WHRN: variants seen among roughly 807,000 people sequenced by gnomAD.
WHRN encodes CASK-interacting protein CIP98.
WHRN carries 41 observed loss-of-function variants against 68.3 expected under a neutral mutation model. The observed-to-expected ratio is 0.60, with a 90% CI of 0.47 to 0.78. WHRN has a LOEUF of 0.78. Ranked by LOEUF, WHRN falls within the 30% of genes least tolerant of loss-of-function variation. The probability of loss-of-function intolerance (pLI) is 0.00; values close to 1 mark genes in which losing one functional copy is unlikely to be tolerated. For synonymous variants in WHRN, 560 were observed against 561.3 expected (o/e 1.00, Z 0.03); for missense variants, 1,243 against 1,244.7 (o/e 1.00, Z 0.02).
intron 7 of WHRN, among the ~76,000 whole-genome samples, chr9:114,416,043 G>A (rs1835792941): frequency 6.6e-6 from 1 of 152,180 alleles, no homozygotes. Context: ...ATGCAGAGAA[G>A]CACTGACAGC....
At chr9:114,437,953 T>C (rs578008319) in intron 3 of WHRN, among the ~76,000 whole-genome samples, 55 of 152,244 alleles carry the variant, frequency 3.6e-4, no homozygotes, top group South Asian at 2.1e-3. Flanking sequence ...ATAAAAGACA[T>C]GAACAAGTTA....
intron 3 of WHRN, among the ~76,000 whole-genome samples, chr9:114,440,322 T>C (rs1838259476): frequency 6.6e-6 from 1 of 152,200 alleles, no homozygotes. Flanking sequence ...CTGCAACCTC[T>C]GCCTCCTGGT....
chr9:114,499,785 C>CG (rs1269505310), intron 1 of WHRN, among the ~76,000 whole-genome samples: 2 of 152,154 alleles, frequency 1.3e-5, no homozygotes, highest in Non-Finnish European at 2.9e-5. Context: ...TCCAATTGGT[C>CG]GGGGGGTTAA....
At chr9:114,497,668 C>T (rs897749161) in intron 1 of WHRN, among the ~76,000 whole-genome samples, 4 of 152,182 alleles carry the variant, frequency 2.6e-5, no homozygotes, top group Admixed American at 6.5e-5. Flanking sequence ...TAACCCACTT[C>T]TGGGGATGTG....
chr9:114,442,322 T>C (rs1232436592), intron 3 of WHRN, among the ~76,000 whole-genome samples: 1 of 152,234 alleles, frequency 6.6e-6, no homozygotes, highest in East Asian at 1.9e-4. Flanking sequence ...CTAAATGTCC[T>C]GATTGTGACC....
chr9:114,427,390 G>A (rs144167597), intron 3 of WHRN, among the ~76,000 whole-genome samples: 5 of 152,338 alleles, frequency 3.3e-5, no homozygotes, highest in South Asian at 2.1e-4. Flanking sequence ...TGATGGGACC[G>A]CACCTTTAAA....
intron 1 of WHRN, among the ~76,000 whole-genome samples, chr9:114,491,255 A>C (rs1842947378): frequency 6.6e-6 from 1 of 152,202 alleles, no homozygotes; most frequent in South Asian, 2.1e-4. Context: ...TCAGTTGAAA[A>C]GGTGATGGGC....
intron 4 of WHRN, chr9:114,425,907 T>G: frequency 2.3e-6 from 1 of 444,102 alleles, no homozygotes; most frequent in Non-Finnish European, 4.2e-6. Context: ...AGATCTGGGA[T>G]GAGGGCAGGG....
chr9:114,403,968 C>A lies in WHRN; in HGVS notation c.2346G>T (p.Ser782=), dbSNP rs145815879. ...TGCTACTCCTGCTCTTGGTGGACAC[C>A]GACTGCCTTCCTCGGCCTGGGGCGC... The part of the protein sequence containing the change: ...EASAPGRGRQ[S]VSTKSRSSKE... The change falls in exon 10 of 12, where the codon TCG becomes TCT. Residue 782 remains serine (S), a synonymous_variant. Transcript: ENST00000362057. 5.0e-6 allele frequency: 8 copies of A among 1,611,662 alleles called. No homozygotes were observed. Among genetic ancestry groups the A allele is most frequent in the African/African-American group, 2.7e-5 (2 of 74,954 alleles).
At chr9:114,467,497 T>G (rs1589205351) in intron 2 of WHRN, among the ~76,000 whole-genome samples, 4 of 143,246 alleles carry the variant, frequency 2.8e-5, no homozygotes, top group Admixed American at 7.0e-5. Flanking sequence ...GACGGGAGGG[T>G]GAGCGAGAGT....
At chr9:114,439,419 T>C (rs940064641) in intron 3 of WHRN, among the ~76,000 whole-genome samples, 9 of 152,210 alleles carry the variant, frequency 5.9e-5, no homozygotes, top group African/African-American at 2.2e-4. Flanking sequence ...CTACTTCACA[T>C]GGCAATTCTG....
intron 6 of WHRN, 66 bp downstream of exon 6, chr9:114,424,268 G>A (rs1039220828): frequency 1.6e-5 from 25 of 1,551,158 alleles, no homozygotes; most frequent in African/African-American, 4.1e-5. Flanking sequence ...GCAAAGGAGC[G>A]GGGGCAGGGC....
At chr9:114,430,713 G>C (rs186216636) in intron 3 of WHRN, among the ~76,000 whole-genome samples, 10 of 152,218 alleles carry the variant, frequency 6.6e-5, no homozygotes, top group Non-Finnish European at 1.2e-4. Flanking sequence ...TGAAGAGGCA[G>C]CATAGATTCC....
chr9:114,447,593 A>G (rs1028842746), intron 3 of WHRN, among the ~76,000 whole-genome samples: 3 of 152,040 alleles, frequency 2.0e-5, no homozygotes, highest in Non-Finnish European at 2.9e-5. Flanking sequence ...TGAAAGCAAG[A>G]CCCCATGTGT....
At chr9:114,497,919 A>G (rs929193025) in intron 1 of WHRN, among the ~76,000 whole-genome samples, 20 of 152,312 alleles carry the variant, frequency 1.3e-4, no homozygotes, top group Non-Finnish European at 2.6e-4. Context: ...TCACAGCTCC[A>G]AAGACTGAGG....
intron 6 of WHRN, 66 bp from the exon 7 acceptor site, chr9:114,423,589 C>T: frequency 1.3e-6 from 2 of 1,484,038 alleles, no homozygotes; most frequent in Admixed American, 3.8e-5. Context: ...AGGGGCCCTG[C>T]TACCCCCAAA....
At chr9:114,471,109 C>T (rs1841183562) in intron 2 of WHRN, among the ~76,000 whole-genome samples, 1 of 152,142 alleles carries the variant, frequency 6.6e-6, no homozygotes, top group African/African-American at 2.4e-5. Context: ...AAAATTCAAC[C>T]ACCATTTGGC....
chr9:114,471,325 T>C (rs562142007), intron 2 of WHRN, among the ~76,000 whole-genome samples: 2 of 152,350 alleles, frequency 1.3e-5, no homozygotes, highest in African/African-American at 4.8e-5. Context: ...TCCTCTATGG[T>C]TTTGTTGTTA....
rs186021358 is a variant in WHRN at position 114,455,925 on chromosome 9, C to T, written c.963+10342G>A. On this transcript the variant is annotated intron_variant, in intron 3 of 11. Coordinates refer to ENST00000362057, the MANE Select transcript of WHRN (RefSeq NM_015404.4). ...AAATCAGAACACTTACATTAGTCTA[C>T]AGTTGGGCAAAATCATCTAACACAA... is the stretch of plus-strand genomic sequence containing the variant. 2.9e-3 allele frequency among the ~76,000 whole-genome samples: 447 copies of T among 152,174 alleles called. 2 individuals carry two copies. Among genetic ancestry groups the T allele is most frequent in the Non-Finnish European group, 4.5e-3 (306 of 68,000 alleles).
Sources: allele counts gnomAD v4.1 joint callset (sites outside exome capture counted in the v4.1 genomes callset), GRCh38; gene constraint gnomAD v4.1.1; transcripts MANE v1.5; gene names NCBI Gene and HGNC (gene_info 2026-07-23, HGNC 2026-07-21).